Variants in CTIF observed in about 807,000 individuals in gnomAD.
CTIF encodes the protein cap binding complex dependent translation initiation factor, also known as CBP80/20-dependent translation initiation factor.
CTIF carries 21 observed loss-of-function variants against 66.0 expected under a neutral mutation model. That is an observed-to-expected ratio of 0.32 (90% CI 0.23 to 0.46). The LOEUF (loss-of-function observed/expected upper bound fraction) is 0.46, where lower values mean the gene tolerates loss of function less well. CTIF is among the 20% of genes least tolerant of loss of function. CTIF has a pLI of 1.00. For synonymous variants in CTIF, 345 were observed against 326.4 expected, an observed-to-expected ratio of 1.06 and a Z score of -0.62; for missense variants, 739 against 812.7, an observed-to-expected ratio of 0.91 and a Z score of 1.10.
At chr18:48,846,018 G>A (rs1295948965) in intron 10 of CTIF, among the ~76,000 whole-genome samples, 1 of 152,152 alleles carries the variant, frequency 6.6e-6, no homozygotes, top group Non-Finnish European at 1.5e-5. Context: ...ATGCAAGATA[G>A]GATCTTTCTA....
At chr18:48,607,944 A>G (rs1266236392) in intron 1 of CTIF, among the ~76,000 whole-genome samples, 1 of 151,920 alleles carries the variant, frequency 6.6e-6, no homozygotes, top group Non-Finnish European at 1.5e-5. Flanking sequence ...CTGGACTATC[A>G]TGTATTATTT....
intron 10 of CTIF, among the ~76,000 whole-genome samples, chr18:48,844,382 C>T (rs1303199766): frequency 1.3e-5 from 2 of 152,246 alleles, no homozygotes; most frequent in African/African-American, 2.4e-5. Flanking sequence ...GCCCTGCCTT[C>T]TGGATCCAAT....
chr18:48,815,071 A>G (rs925621038), intron 9 of CTIF, among the ~76,000 whole-genome samples: 1 of 152,218 alleles, frequency 6.6e-6, no homozygotes, highest in Non-Finnish European at 1.5e-5. Context: ...ACTACTTTCC[A>G]ATTTAAAAAC....
At chr18:48,642,042 A>G (rs926442451) in intron 3 of CTIF, among the ~76,000 whole-genome samples, 1 of 152,250 alleles carries the variant, frequency 6.6e-6, no homozygotes, top group South Asian at 2.1e-4. Context: ...AGTGCAAATG[A>G]TATCTTAGTA....
intron 7 of CTIF, among the ~76,000 whole-genome samples, chr18:48,735,562 G>C (rs1220715644): frequency 6.6e-6 from 1 of 152,142 alleles, no homozygotes; most frequent in Non-Finnish European, 1.5e-5. Flanking sequence ...GAGACTGGAA[G>C]ACTGGAAGCT....
chr18:48,646,173 C>G (rs299731), intron 3 of CTIF, among the ~76,000 whole-genome samples: 137,338 of 152,126 alleles, frequency 0.9, 62,201 homozygotes, highest in East Asian at 1. Context: ...ATCTGACAAA[C>G]GGCTCGTATT....
At chr18:48,584,020 C>T (rs1313929864) in intron 1 of CTIF, among the ~76,000 whole-genome samples, 1 of 152,152 alleles carries the variant, frequency 6.6e-6, no homozygotes, top group Admixed American at 6.5e-5. Context: ...TTGTGAGAAT[C>T]GGAAATAGAC....
At chr18:48,551,395 G>A (rs371075960) in intron 1 of CTIF, among the ~76,000 whole-genome samples, 1 of 152,110 alleles carries the variant, frequency 6.6e-6, no homozygotes. Flanking sequence ...TGTGGAGGGA[G>A]TGTGGCCCTG....
chr18:48,823,975 T>TA (rs1214952537), intron 10 of CTIF, among the ~76,000 whole-genome samples: 47 of 65,538 alleles, frequency 7.2e-4, no homozygotes, highest in African/African-American at 2.0e-3. Flanking sequence ...TCCTAAAGAC[T>TA]CCACACACAC....
At chr18:48,836,386 C>T (rs1046361219) in intron 10 of CTIF, among the ~76,000 whole-genome samples, 1 of 152,136 alleles carries the variant, frequency 6.6e-6, no homozygotes, top group African/African-American at 2.4e-5. Flanking sequence ...GCCCTGCTTG[C>T]TCTGCCTGGA....
At chr18:48,838,918 A>G (rs4447489) in intron 10 of CTIF, among the ~76,000 whole-genome samples, 120,735 of 152,016 alleles carry the variant, frequency 0.79, 48,332 homozygotes, top group African/African-American at 0.9. Context: ...CCTGCCCACC[A>G]GCCCCTCAAT....
intron 6 of CTIF, among the ~76,000 whole-genome samples, chr18:48,684,562 T>C (rs918993029): frequency 4.6e-5 from 7 of 152,354 alleles, no homozygotes; most frequent in African/African-American, 1.4e-4. Context: ...TTTGTTCTCC[T>C]ATACTCTGTC....
intron 6 of CTIF, among the ~76,000 whole-genome samples, chr18:48,675,158 A>G (rs17763720): frequency 0.55 from 83,661 of 150,904 alleles, 25,573 homozygotes; most frequent in East Asian, 0.93. Flanking sequence ...TAGGGCAGGC[A>G]GACACTGAGA....
In CTIF at chr18:48,860,082, C is replaced by G. The variant is rs1366113050; in HGVS notation, c.*523C>G. On this transcript the variant is annotated 3_prime_UTR_variant, in exon 12 of 12. Transcript: ENST00000256413. ...ATGTCCGGGAGGACAAAGGCAGGCA[C>G]GGTCCCCACCAGCCGCCCGTAATTG... is the stretch of plus-strand genomic sequence containing the variant. 2.6e-6 allele frequency: 1 copy of G among 387,162 alleles called. No individual in the cohort carries two copies. Among genetic ancestry groups the G allele is most frequent in the Middle Eastern group, 5.1e-4 (1 of 1,944 alleles). The allele number at this position is 387,162 out of a possible 1,614,324, so 24.0% of individuals were successfully genotyped here.
At chr18:48,854,568 C>A (rs953896697) in intron 10 of CTIF, among the ~76,000 whole-genome samples, 1 of 152,160 alleles carries the variant, frequency 6.6e-6, no homozygotes, top group Non-Finnish European at 1.5e-5. Flanking sequence ...GCCACCATGC[C>A]TGGCCAGGTC....
intron 1 of CTIF, among the ~76,000 whole-genome samples, chr18:48,545,629 G>A (rs1367289798): frequency 6.8e-6 from 1 of 147,886 alleles, no homozygotes; most frequent in East Asian, 2.1e-4. Flanking sequence ...GTCTGCTGGG[G>A]TTGGGGTGGG....
chr18:48,623,584 A>G (rs1291593335), intron 2 of CTIF, among the ~76,000 whole-genome samples: 1 of 150,744 alleles, frequency 6.6e-6, no homozygotes, highest in Non-Finnish European at 1.5e-5. Context: ...GAAGCCAAAA[A>G]GAAAAAAAAA....
intron 1 of CTIF, among the ~76,000 whole-genome samples, chr18:48,597,923 G>T (rs938463303): frequency 1.3e-5 from 2 of 152,220 alleles, no homozygotes; most frequent in Admixed American, 6.5e-5. Flanking sequence ...TGTTTCAGAT[G>T]AGGAGACCCA....
intron 7 of CTIF, among the ~76,000 whole-genome samples, chr18:48,717,839 G>A (rs767950126): frequency 5.9e-5 from 9 of 151,816 alleles, no homozygotes; most frequent in Non-Finnish European, 1.2e-4. Flanking sequence ...CAATCCTCCT[G>A]CCTCAGCCTC....
Sources: allele counts gnomAD v4.1 joint callset (sites outside exome capture counted in the v4.1 genomes callset), GRCh38; gene constraint gnomAD v4.1.1; transcripts MANE v1.5; gene names NCBI Gene and HGNC (gene_info 2026-07-23, HGNC 2026-07-21).